Variants in SRPK2 observed in about 807,000 individuals in gnomAD.
SRPK2 encodes the protein SFRS protein kinase 2.
A neutral mutation model predicts 90.8 loss-of-function variants in SRPK2; 21 were observed. That is an observed-to-expected ratio of 0.23 (90% CI 0.16 to 0.33). The LOEUF is 0.33. Among genes scored for constraint, SRPK2 ranks in the 10% least tolerant of loss-of-function variants. SRPK2 has a pLI of 1.00. For synonymous variants in SRPK2, 288 were observed against 311.1 expected, an observed-to-expected ratio of 0.93 and a Z score of 0.78; for missense variants, 620 against 869.0, an observed-to-expected ratio of 0.71 and a Z score of 3.60.
intron 7 of SRPK2, among the ~76,000 whole-genome samples, chr7:105,157,354 G>A (rs898547782): frequency 2.0e-5 from 3 of 152,150 alleles, no homozygotes; most frequent in Admixed American, 6.5e-5. Flanking sequence ...AAATTGGTCT[G>A]CTCTGGCTTG....
intron 2 of SRPK2, among the ~76,000 whole-genome samples, chr7:105,293,165 G>A (rs1479661715): frequency 6.6e-6 from 1 of 152,106 alleles, no homozygotes; most frequent in Non-Finnish European, 1.5e-5. Context: ...GGGCATGGTG[G>A]TGGATGCCTG....
intron 3 of SRPK2, among the ~76,000 whole-genome samples, chr7:105,191,076 A>G (rs1794222636): frequency 6.6e-6 from 1 of 152,238 alleles, no homozygotes; most frequent in Admixed American, 6.5e-5. Context: ...GGGGCACAGA[A>G]AAAATAGCCC....
At chr7:105,220,134 C>T (rs906460355) in intron 2 of SRPK2, among the ~76,000 whole-genome samples, 1 of 152,120 alleles carries the variant, frequency 6.6e-6, no homozygotes, top group African/African-American at 2.4e-5. Flanking sequence ...AGGCAAAAAA[C>T]TAAACATAGG....
chr7:105,298,662 A>T, intron 2 of SRPK2: 1 of 916,556 alleles, frequency 1.1e-6, no homozygotes, highest in Non-Finnish European at 1.3e-6. Flanking sequence ...GCCCCATAGG[A>T]TAGCATGGCT....
At chr7:105,370,435 C>G (rs541876528) in intron 2 of SRPK2, among the ~76,000 whole-genome samples, 2 of 152,230 alleles carry the variant, frequency 1.3e-5, no homozygotes, top group South Asian at 4.1e-4. Context: ...AAGTTTAATG[C>G]ATTCAATCAT....
chr7:105,218,859 G>A (rs1221644317), intron 2 of SRPK2, among the ~76,000 whole-genome samples: 1 of 151,104 alleles, frequency 6.6e-6, no homozygotes, highest in African/African-American at 2.4e-5. Flanking sequence ...TTTCTCCTTC[G>A]TAGTTGAAAA....
chr7:105,220,899 G>T (rs1798016868), intron 2 of SRPK2, among the ~76,000 whole-genome samples: 1 of 152,102 alleles, frequency 6.6e-6, no homozygotes, highest in African/African-American at 2.4e-5. Flanking sequence ...TCAAAAAGTG[G>T]GGTCAGGGGC....
chr7:105,117,870 C>T lies in SRPK2; in HGVS notation c.2068G>A (p.Glu690Lys), dbSNP rs1186829399. The T allele has an allele frequency of 3.7e-6, 6 of 1,613,084 alleles. No homozygotes were observed. Among genetic ancestry groups the T allele is most frequent in the Non-Finnish European group, 4.2e-6 (5 of 1,180,042 alleles). ...MVPEKRASAG[E>K]CLRHPWLNS Reference sequence around the variant, plus strand: ...TTCAACCAAGGATGCCGAAGGCATTCGCCAGCTGAGGCTCGTTTTTCTGGA... The same window carrying T: ...TTCAACCAAGGATGCCGAAGGCATTTGCCAGCTGAGGCTCGTTTTTCTGGA... Residue 690 changes from glutamate (E) to lysine (K), a missense_variant, in exon 16 of 16, where the codon GAA becomes AAA. Glu to Lys is a moderately conservative substitution (Grantham distance 56, BLOSUM62 1). This residue lies in a region of SRPK2 where 71 missense variants were observed against 123.1 expected (regional missense o/e 0.58). Coordinates refer to ENST00000393651, the MANE Select transcript of SRPK2 (RefSeq NM_182692.3).
chr7:105,161,918 T>C (rs1360768912), intron 6 of SRPK2, among the ~76,000 whole-genome samples: 1 of 152,140 alleles, frequency 6.6e-6, no homozygotes, highest in Non-Finnish European at 1.5e-5. Flanking sequence ...AATCTGGATT[T>C]TCTTTTCTTA....
At chr7:105,356,408 G>T (rs1263297459) in intron 2 of SRPK2, among the ~76,000 whole-genome samples, 1 of 152,120 alleles carries the variant, frequency 6.6e-6, no homozygotes, top group Non-Finnish European at 1.5e-5. Flanking sequence ...ATTTCGACTA[G>T]GATAAATGGA....
intron 2 of SRPK2, among the ~76,000 whole-genome samples, chr7:105,324,933 T>C (rs991379276): frequency 2.0e-5 from 3 of 152,188 alleles, no homozygotes; most frequent in African/African-American, 7.2e-5. Flanking sequence ...TAATACTCAA[T>C]AGTCCTATTT....
intron 2 of SRPK2, among the ~76,000 whole-genome samples, chr7:105,296,369 A>C (rs1483108502): frequency 6.6e-6 from 1 of 152,208 alleles, no homozygotes; most frequent in Admixed American, 6.5e-5. Context: ...CTAACTTAGG[A>C]GATAAATAGT....
chr7:105,192,369 A>G (rs539689825), intron 3 of SRPK2, among the ~76,000 whole-genome samples: 3 of 152,242 alleles, frequency 2.0e-5, no homozygotes, highest in African/African-American at 7.2e-5. Flanking sequence ...AATCCTATCC[A>G]GGTTGCTCCA....
chr7:105,158,533 G>A (rs1027583815), intron 7 of SRPK2, among the ~76,000 whole-genome samples: 6 of 152,146 alleles, frequency 3.9e-5, no homozygotes, highest in African/African-American at 1.2e-4. Flanking sequence ...GATTACAAGC[G>A]TGAGCCACTG....
At chr7:105,380,947 TAAAAAAA>T (rs869039181) in intron 2 of SRPK2, among the ~76,000 whole-genome samples, 28 of 104,128 alleles carry the variant, frequency 2.7e-4, no homozygotes, top group East Asian at 1.4e-3. Flanking sequence ...TTTATTACTT[TAAAAAAA>T]AAAAAAAAAA....
At chr7:105,223,246 T>C (rs1798323289) in intron 2 of SRPK2, among the ~76,000 whole-genome samples, 1 of 152,228 alleles carries the variant, frequency 6.6e-6, no homozygotes, top group African/African-American at 2.4e-5. Flanking sequence ...CTATTCTTTG[T>C]CACTGCCTTC....
intron 2 of SRPK2, among the ~76,000 whole-genome samples, chr7:105,374,562 T>TA (rs1563304440): frequency 1.3e-5 from 2 of 148,552 alleles, no homozygotes; most frequent in Non-Finnish European, 3.0e-5. Context: ...ATTAGAATGT[T>TA]AGTCATTAAT....
intron 2 of SRPK2, among the ~76,000 whole-genome samples, chr7:105,383,114 G>C (rs1821149253): frequency 7.7e-6 from 1 of 129,250 alleles, no homozygotes; most frequent in African/African-American, 2.9e-5. Flanking sequence ...GCCCAGGCTG[G>C]AGTGCAGTGG....
chr7:105,166,610 G>A (rs746920092), intron 6 of SRPK2, among the ~76,000 whole-genome samples: 3 of 152,080 alleles, frequency 2.0e-5, no homozygotes, highest in Non-Finnish European at 4.4e-5. Flanking sequence ...TTTCTTATAT[G>A]TTTGAAATTT....
Sources: gnomAD v4.1 joint callset for allele counts (sites outside exome capture counted in the v4.1 genomes callset) on GRCh38, gnomAD v4.1.1 for gene constraint, gnomAD v4.1.1 regional missense constraint, MANE v1.5 for transcripts, NCBI Gene and HGNC (gene_info 2026-07-23, HGNC 2026-07-21) for gene names.